OTOGL: variants seen among roughly 807,000 people sequenced by gnomAD.
The protein encoded by OTOGL is otogelin like.
Under a neutral mutation model 318.5 loss-of-function variants are expected in OTOGL, and 285 were observed. The observed-to-expected ratio is 0.89, with a 90% CI of 0.81 to 0.99. The LOEUF (loss-of-function observed/expected upper bound fraction) is 0.99, where lower values mean the gene tolerates loss of function less well. OTOGL is among the 50% of genes least tolerant of loss of function. The pLI is 0.00. For synonymous variants in OTOGL, 987 were observed against 936.5 expected (o/e 1.05, Z -0.99); for missense variants, 2,899 against 2,845.6 (o/e 1.02, Z -0.43).
chr12:80,355,617 A>T, intron 46 of OTOGL, 119 bp from the exon 47 acceptor site: 1 of 718,556 alleles, frequency 1.4e-6, no homozygotes, highest in Non-Finnish European at 2.2e-6. Flanking sequence ...GAAAAACAAT[A>T]GACTTGTGAC....
Position 80,317,099 on chromosome 12 carries a change from A to G in OTOGL, c.3635-1447A>G, listed in dbSNP as rs1045626157. ...TGTGTTCATTTATATGACTTTTACT[A>G]AAAATGTAAAGCTTGCATTTGAAAT... On this transcript the variant is annotated intron_variant, in intron 32 of 58. Transcript: ENST00000547103. Among the ~76,000 whole-genome samples, 10 of 152,182 alleles carry G rather than the reference A, an allele frequency of 6.6e-5. No homozygotes were observed. In the East Asian group the frequency reaches 1.7e-3, roughly 26 times the overall value.
intron 7 of OTOGL, among the ~76,000 whole-genome samples, chr12:80,225,011 A>T (rs1013478916): frequency 6.6e-6 from 1 of 152,034 alleles, no homozygotes; most frequent in Non-Finnish European, 1.5e-5. Flanking sequence ...TGTACCCCAT[A>T]TATATATGTA....
chr12:80,228,237 T>C (rs1254165712), intron 7 of OTOGL, among the ~76,000 whole-genome samples: 2 of 152,058 alleles, frequency 1.3e-5, no homozygotes, highest in African/African-American at 4.8e-5. Flanking sequence ...GGTCAGGAGT[T>C]TGAGACCAGC....
intron 4 of OTOGL, among the ~76,000 whole-genome samples, chr12:80,216,882 G>A (rs373795768): frequency 1.3e-5 from 2 of 151,880 alleles, no homozygotes; most frequent in African/African-American, 4.8e-5. Context: ...CACCAACATG[G>A]CACATGTATA....
chr12:80,358,527 C>A, intron 50 of OTOGL, 144 bp from the exon 51 acceptor site: 2 of 813,786 alleles, frequency 2.5e-6, no homozygotes, highest in Admixed American at 2.6e-5. Flanking sequence ...TCTTCACCAA[C>A]ACATGGCAAT....
intron 4 of OTOGL, among the ~76,000 whole-genome samples, chr12:80,215,088 T>A (rs571912841): frequency 1.3e-5 from 2 of 152,052 alleles, no homozygotes; most frequent in African/African-American, 4.8e-5. Flanking sequence ...AAACAAATTA[T>A]ATATTTTTAT....
chr12:80,339,128 C>T lies in OTOGL; in HGVS notation c.4914C>T (p.Ser1638=). 6.2e-7 allele frequency: 1 copy of T among 1,611,446 alleles called. No homozygotes were observed. Among genetic ancestry groups the T allele is most frequent in the South Asian group, 1.1e-5 (1 of 91,014 alleles). The change falls in exon 43 of 59, where the codon TCC becomes TCT. Residue 1638 remains serine, a synonymous_variant. Transcript: ENST00000547103. ...TGCCCTTTTCAAGTCAGGAACTGTC[C>T]ATAGAGGATTCTGGTTCAATGTATG... ...VPLPFSSQEL[S]IEDSGSMYVI...
At chr12:80,208,026 A>G (rs1223681381) in intron 1 of OTOGL, among the ~76,000 whole-genome samples, 1 of 152,178 alleles carries the variant, frequency 6.6e-6, no homozygotes, top group African/African-American at 2.4e-5. Context: ...AATTAAACCT[A>G]TTCATTAAAA....
chr12:80,138,297 T>C (rs965098440), intron 1 of OTOGL, among the ~76,000 whole-genome samples: 5 of 152,178 alleles, frequency 3.3e-5, no homozygotes, highest in African/African-American at 7.2e-5. Context: ...TTTCTTATTC[T>C]TTCATATTCT....
At chr12:80,120,212 C>A (rs1356819686) in intron 1 of OTOGL, among the ~76,000 whole-genome samples, 2 of 152,086 alleles carry the variant, frequency 1.3e-5, no homozygotes, top group Non-Finnish European at 1.5e-5. Context: ...TTCTTAACAT[C>A]TTTTTTCAGA....
chr12:80,305,833 T>C, intron 29 of OTOGL, 138 bp downstream of exon 29: 2 of 749,114 alleles, frequency 2.7e-6, no homozygotes, highest in Non-Finnish European at 3.8e-6. Context: ...AACATTCATA[T>C]TTATCTTCTC....
intron 18 of OTOGL, among the ~76,000 whole-genome samples, chr12:80,261,532 A>G (rs1882525123): frequency 1.3e-5 from 2 of 152,138 alleles, no homozygotes; most frequent in South Asian, 4.1e-4. Context: ...GAAAAAAATC[A>G]TGTGAAATGC....
At chr12:80,182,845 C>A (rs537893679) in intron 1 of OTOGL, among the ~76,000 whole-genome samples, 1 of 152,194 alleles carries the variant, frequency 6.6e-6, no homozygotes, top group African/African-American at 2.4e-5. Context: ...TGAAGGAAAA[C>A]CACAATAAAG....
chr12:80,149,197 G>C (rs1490047678), intron 1 of OTOGL, among the ~76,000 whole-genome samples: 1 of 152,148 alleles, frequency 6.6e-6, no homozygotes, highest in Non-Finnish European at 1.5e-5. Context: ...ATCTACTTTT[G>C]GTCTTTGGTA....
intron 1 of OTOGL, among the ~76,000 whole-genome samples, chr12:80,115,348 G>T (rs1428967926): frequency 6.6e-6 from 1 of 152,100 alleles, no homozygotes; most frequent in Non-Finnish European, 1.5e-5. Flanking sequence ...CTAACAGTCA[G>T]GTCCCTCTTC....
At chr12:80,274,738 G>C (rs893087676) in intron 24 of OTOGL, among the ~76,000 whole-genome samples, 3 of 151,966 alleles carry the variant, frequency 2.0e-5, no homozygotes, top group Non-Finnish European at 4.4e-5. Flanking sequence ...CTTGTTAGGG[G>C]CTAAGGCAGC....
At chr12:80,161,638 T>C (rs1252089455) in intron 1 of OTOGL, among the ~76,000 whole-genome samples, 1 of 152,092 alleles carries the variant, frequency 6.6e-6, no homozygotes, top group African/African-American at 2.4e-5. Flanking sequence ...GTATCTTAGA[T>C]AACTAAGTTC....
intron 1 of OTOGL, among the ~76,000 whole-genome samples, chr12:80,121,844 C>T (rs547145183): frequency 6.6e-6 from 1 of 152,232 alleles, no homozygotes; most frequent in East Asian, 1.9e-4. Context: ...TAAGCAGGAA[C>T]AATTTGTATT....
intron 1 of OTOGL, among the ~76,000 whole-genome samples, chr12:80,140,560 G>T (rs1327067130): frequency 6.6e-6 from 1 of 152,146 alleles, no homozygotes. Context: ...GAGTAACTGG[G>T]TTAATGTCCC....
Sources: gnomAD v4.1 joint callset for allele counts (sites outside exome capture counted in the v4.1 genomes callset) on GRCh38, gnomAD v4.1.1 for gene constraint, MANE v1.5 for transcripts, NCBI Gene and HGNC (gene_info 2026-07-23, HGNC 2026-07-21) for gene names.